COBLL1: variants seen among roughly 807,000 people sequenced by gnomAD.
COBLL1 encodes cordon-bleu protein-like 1.
A neutral mutation model predicts 94.8 loss-of-function variants in COBLL1; 50 were observed. The ratio of observed to expected loss-of-function variants is 0.53; its 90% CI spans 0.42 to 0.67. The LOEUF is 0.67. COBLL1 is among the 30% of genes least tolerant of loss of function. The pLI, the probability that COBLL1 is intolerant of heterozygous loss-of-function variation, is 0.00. For synonymous variants in COBLL1, 448 were observed against 473.8 expected, an observed-to-expected ratio of 0.95 and a Z score of 0.71; for missense variants, 1,362 against 1,348.7, an observed-to-expected ratio of 1.01 and a Z score of -0.15.
chr2:164,745,807 A>G (rs189042192), intron 2 of COBLL1, among the ~76,000 whole-genome samples: 1 of 152,222 alleles, frequency 6.6e-6, no homozygotes, highest in African/African-American at 2.4e-5. Context: ...GAACCATAAA[A>G]GAAAATGGTA....
intron 4 of COBLL1, among the ~76,000 whole-genome samples, chr2:164,728,482 AT>A (rs1276687611): frequency 6.6e-6 from 1 of 152,042 alleles, no homozygotes; most frequent in Admixed American, 6.6e-5. Context: ...AGTACTACTC[AT>A]GTTTTCACTT....
At chr2:164,782,153 G>GA (rs376796197) in intron 2 of COBLL1, among the ~76,000 whole-genome samples, 16 of 152,210 alleles carry the variant, frequency 1.1e-4, no homozygotes, top group African/African-American at 3.9e-4. Flanking sequence ...ACAAAAGTGA[G>GA]AAAAATCTTG....
At chr2:164,676,215 G>A (rs114372852), downstream of COBLL1, among the ~76,000 whole-genome samples, 4,377 of 152,250 alleles carry the variant, frequency 0.029, 202 homozygotes, top group African/African-American at 0.098. Flanking sequence ...ATTTTGAATA[G>A]AAATTCTTTA....
chr2:164,697,437 T>G (rs1684015842), intron 11 of COBLL1: 1 of 152,138 alleles, frequency 6.6e-6, no homozygotes, highest in South Asian at 2.1e-4. Flanking sequence ...TCATAAGTAT[T>G]TTTCAATGTT....
chr2:164,727,908 T>C (rs1401368048), intron 5 of COBLL1, 61 bp downstream of exon 5: 2 of 1,160,600 alleles, frequency 1.7e-6, no homozygotes, highest in African/African-American at 1.5e-5. Context: ...ACAAACACAA[T>C]GCACAAACAT....
Position 164,700,596 on chromosome 2 carries a change from G to C in COBLL1, c.1386C>G (p.Ala462=), listed in dbSNP as rs773611932. ...INTLKNDPDS[A]LGNGSGEFSQ... Reference sequence around the variant, plus strand: ...AGAACTCTCCACTACCATTGCCAAGGGCTGAGTCAGGATCATTTTTCAGTG... The same window carrying C: ...AGAACTCTCCACTACCATTGCCAAGCGCTGAGTCAGGATCATTTTTCAGTG... The change falls in exon 10 of 14, where the codon GCC becomes GCG. Residue 462 remains alanine (A), a synonymous_variant. Transcript: ENST00000652658. 5.0e-6 allele frequency: 8 copies of C among 1,613,622 alleles called. No individual in the cohort carries two copies. Among genetic ancestry groups the C allele is most frequent in the Non-Finnish European group, 6.8e-6 (8 of 1,179,810 alleles).
chr2:164,753,454 A>C (rs1687225707), intron 2 of COBLL1, among the ~76,000 whole-genome samples: 2 of 151,846 alleles, frequency 1.3e-5, no homozygotes, highest in South Asian at 2.1e-4. Context: ...CACAAACAAA[A>C]AAAAAAAATG....
intron 13 of COBLL1, chr2:164,687,643 G>GCCTA: frequency 2.1e-6 from 2 of 931,504 alleles, no homozygotes; most frequent in Non-Finnish European, 3.5e-6. Context: ...CATCTGAAAG[G>GCCTA]CCTATTATCA....
At chr2:164,753,356 G>A (rs1352520486) in intron 2 of COBLL1, among the ~76,000 whole-genome samples, 1 of 151,910 alleles carries the variant, frequency 6.6e-6, no homozygotes, top group Non-Finnish European at 1.5e-5. Flanking sequence ...TGCCCCCATA[G>A]CACCTCCACT....
intron 3 of COBLL1, among the ~76,000 whole-genome samples, chr2:164,735,741 G>A (rs1686270633): frequency 6.6e-6 from 1 of 151,838 alleles, no homozygotes; most frequent in Non-Finnish European, 1.5e-5. Flanking sequence ...TAACAATTCT[G>A]GTTGGATAAT....
intron 2 of COBLL1, among the ~76,000 whole-genome samples, chr2:164,757,813 AAATAAT>A (rs992040949): frequency 3.3e-5 from 5 of 151,394 alleles, no homozygotes; most frequent in African/African-American, 9.7e-5. Flanking sequence ...CTGTCTCAAA[AAATAAT>A]AATAATAATA....
chr2:164,795,243 A>G (rs1574602559), intron 2 of COBLL1, among the ~76,000 whole-genome samples: 1 of 152,188 alleles, frequency 6.6e-6, no homozygotes, highest in East Asian at 1.9e-4. Flanking sequence ...TCACAAGTCT[A>G]AAGGGGTATA....
rs770485669 is a variant in COBLL1, at chr2:164,694,480, A to C, written c.2912T>G (p.Leu971Trp). The change falls in exon 12 of 14, where the codon TTG becomes TGG. Residue 971 changes from leucine (L) to tryptophan (W), a missense_variant. Physicochemically the swap from Leu to Trp is moderately conservative, Grantham distance 61. Transcript: ENST00000652658. ...TGGTCGTGGGGCACCAAAAGTTTTC[A>C]AAGTCTTCAGATTTTGTGTGGATAC... ...SQVSTQNLKT[L>W]KTFGAPRPYS... 1.2e-6 allele frequency: 2 copies of C among 1,613,982 alleles called. No homozygotes were observed. Among genetic ancestry groups the C allele is most frequent in the Non-Finnish European group, 8.5e-7 (1 of 1,179,940 alleles).
At chr2:164,703,131 G>C in intron 9 of COBLL1, 1 of 1,613,276 alleles carries the variant, frequency 6.2e-7, no homozygotes, top group East Asian at 2.2e-5. Context: ...GCTGCCTCAG[G>C]TGTCCCAGGG....
At chr2:164,728,316 C>A (rs947025532) in intron 4 of COBLL1, 119 bp from the exon 5 acceptor site, 4 of 617,350 alleles carry the variant, frequency 6.5e-6, no homozygotes, top group East Asian at 2.9e-5. Flanking sequence ...ACAGTACTTT[C>A]CTATTTGGTG....
intron 8 of COBLL1, 67 bp downstream of exon 8, chr2:164,704,885 T>C (rs1684500634): frequency 3.5e-6 from 5 of 1,414,270 alleles, no homozygotes; most frequent in Non-Finnish European, 4.7e-6. Context: ...CATACCCATA[T>C]CTTTCCTACT....
intron 2 of COBLL1, among the ~76,000 whole-genome samples, chr2:164,836,417 T>C (rs564436557): frequency 1.1e-3 from 163 of 152,328 alleles, no homozygotes; most frequent in African/African-American, 3.8e-3. Flanking sequence ...GATAATGCTT[T>C]TATAAGGCCA....
At position 164,683,262 on chromosome 2, in the gene COBLL1, A is replaced by G. The variant is rs1683126210; in HGVS notation, c.*2684T>C. On this transcript the variant is annotated 3_prime_UTR_variant, in exon 14 of 14. Transcript: ENST00000652658. The stretch of plus-strand genomic sequence containing the variant: ...GGAAAGAAGGAAAAGCAAAATGCCT[A>G]GATGCTAAAAATTATACATGAAAGT... The G allele has an allele frequency of 6.6e-6, 1 of 152,054 alleles. No homozygotes were observed. The highest frequency in any genetic ancestry group is 2.1e-4 in the South Asian group (1 of 4,834). The allele number at this position is 152,054 out of a possible 1,614,324, so 9.4% of individuals were successfully genotyped here.
At chr2:164,668,188 T>C (rs1276734604) in intron 1 of COBLL1, among the ~76,000 whole-genome samples, 5 of 152,050 alleles carry the variant, frequency 3.3e-5, no homozygotes, top group African/African-American at 4.8e-5. Context: ...GGTCATGAAC[T>C]CCGGACCTCA....
Sources: allele counts gnomAD v4.1 joint callset (sites outside exome capture counted in the v4.1 genomes callset), GRCh38; gene constraint gnomAD v4.1.1; transcripts MANE v1.5; gene names NCBI Gene and HGNC (gene_info 2026-07-23, HGNC 2026-07-21).